Variants in ATOH8 observed in about 807,000 individuals in gnomAD.
ATOH8 encodes transcription factor ATOH8.
In ATOH8, 9 loss-of-function variants were observed where a neutral mutation model predicts 21.2. That is an observed-to-expected ratio of 0.42 (90% CI 0.26 to 0.74). The LOEUF (loss-of-function observed/expected upper bound fraction) is 0.74, where lower values mean the gene tolerates loss of function less well. Among genes scored for constraint, ATOH8 ranks in the 30% least tolerant of loss-of-function variants. The pLI, the probability that ATOH8 is intolerant of heterozygous loss-of-function variation, is 0.24. For synonymous variants in ATOH8, 253 were observed against 224.0 expected (o/e 1.13, Z -1.16); for missense variants, 524 against 470.9 (o/e 1.11, Z -1.04).
At chr2:85,774,320 T>C in intron 2 of ATOH8, 1 of 985,542 alleles carries the variant, frequency 1.0e-6, no homozygotes, top group Non-Finnish European at 1.2e-6. Context: ...TGCCCACTGC[T>C]CAGCCTTGAG....
At chr2:85,755,987 C>CCCAGAAATGA (rs1679682227) in intron 1 of ATOH8, among the ~76,000 whole-genome samples, 1 of 139,004 alleles carries the variant, frequency 7.2e-6, no homozygotes, top group Non-Finnish European at 1.6e-5. Flanking sequence ...CTTTATCCAG[C>CCCAGAAATGA]AACAAAACAT....
chr2:85,755,103 G>A, intron 1 of ATOH8, 146 bp downstream of exon 1: 2 of 1,133,892 alleles, frequency 1.8e-6, no homozygotes, highest in Non-Finnish European at 2.4e-6. Flanking sequence ...GGTGTGGGCA[G>A]TCCTAGGGTA....
At chr2:85,755,761 G>T (rs1200872382) in intron 1 of ATOH8, among the ~76,000 whole-genome samples, 1 of 152,164 alleles carries the variant, frequency 6.6e-6, no homozygotes, top group South Asian at 2.1e-4. Flanking sequence ...CCGTGGTGGG[G>T]CGGGACAATC....
At chr2:85,756,926 T>G (rs991248093) in intron 1 of ATOH8, among the ~76,000 whole-genome samples, 1 of 152,198 alleles carries the variant, frequency 6.6e-6, no homozygotes, top group Non-Finnish European at 1.5e-5. Context: ...CCTGGTCTCC[T>G]TTTACTTCCC....
In ATOH8 at chr2:85,771,400, C is replaced by T. The variant is rs926175752; in HGVS notation, c.960+7218C>T. ...CCATATGAGAAAGGGCTGGTGTTCC[C>T]GGTGAGTGCCAGAGAGGAAATCTCA... On this transcript the variant is annotated intron_variant, in intron 2 of 2. Transcript: ENST00000306279. Among the ~76,000 whole-genome samples, 5 of 152,226 alleles carry T rather than the reference C, an allele frequency of 3.3e-5. No individual in the cohort carries two copies. In the South Asian group the frequency reaches 6.2e-4, roughly 19 times the overall value.
rs1232543987 is a variant in ATOH8, at chr2:85,766,397, C to A, written c.960+2215C>A. On this transcript the variant is annotated intron_variant, in intron 2 of 2. Coordinates refer to ENST00000306279, the MANE Select transcript of ATOH8 (RefSeq NM_032827.7). The surrounding 1 kb of genome is among the most constrained non-coding windows in gnomAD (Gnocchi z 4.0). Reference sequence around the variant, plus strand: ...GCCTCCTGCCCTCAGTCTTTCCCAGCTGGGTGAGGAGGTCACCCAGCTGGG... The same window carrying A: ...GCCTCCTGCCCTCAGTCTTTCCCAGATGGGTGAGGAGGTCACCCAGCTGGG... 3.9e-5 allele frequency among the ~76,000 whole-genome samples: 6 copies of A among 152,034 alleles called. No homozygotes were observed. Among genetic ancestry groups the A allele is most frequent in the Non-Finnish European group, 5.9e-5 (4 of 67,996 alleles).
Position 85,787,189 on chromosome 2 carries a change from A to G in ATOH8, c.*299A>G. 2.4e-6 allele frequency: 1 copy of G among 422,738 alleles called. No homozygotes were observed. 26.2% of individuals were successfully genotyped at this position (422,738 alleles called of 1,614,324 possible). ...TCCAGCTGCAGAAATTCGTTGCCAAAGATTGGACAGAGACACCGAAGGAAA... is the reference window on the plus strand; with the variant it reads ...TCCAGCTGCAGAAATTCGTTGCCAAGGATTGGACAGAGACACCGAAGGAAA... On this transcript the variant is annotated 3_prime_UTR_variant, in exon 3 of 3. Transcript: ENST00000306279.
intron 2 of ATOH8, chr2:85,783,707 G>A (rs1294090610): frequency 1.3e-5 from 2 of 152,220 alleles, no homozygotes; most frequent in African/African-American, 2.4e-5. Flanking sequence ...CAGTGCTGCG[G>A]GGAATGTAAG....
chr2:85,755,065 C>T (rs904009366), intron 1 of ATOH8, 108 bp downstream of exon 1: 29 of 1,396,024 alleles, frequency 2.1e-5, no homozygotes, highest in Non-Finnish European at 2.7e-5. Flanking sequence ...CAAGCTGCCC[C>T]GCCCGGTCCG....
Position 85,787,066 on chromosome 2 carries a change from C to T in ATOH8, c.*176C>T. On this transcript the variant is annotated 3_prime_UTR_variant, in exon 3 of 3. Transcript: ENST00000306279. Reference sequence around the variant, plus strand: ...CGCCTGCCTCCCTCTCCCCTCCGCCCTCACCCAGCCAATCCGAGGCTGCTT... The same window carrying T: ...CGCCTGCCTCCCTCTCCCCTCCGCCTTCACCCAGCCAATCCGAGGCTGCTT... The T allele has an allele frequency of 1.3e-6, 1 of 746,196 alleles. No homozygotes were observed. Among genetic ancestry groups the T allele is most frequent in the South Asian group, 1.9e-5 (1 of 53,416 alleles). The allele number at this position is 746,196 out of a possible 1,614,324, so 46.2% of individuals were successfully genotyped here. A position where few individuals can be genotyped will look rare whatever the true frequency, so the allele number is the denominator to read the frequency against.
At position 85,754,758 on chromosome 2, in the gene ATOH8, G is replaced by A. The variant is rs1396341549; in HGVS notation, c.569G>A (p.Ser190Asn). ...GCGCCCCCGACGCGCCCCGGGGAAA[G>A]TTCCTACTCGTCAATTTCACACGTA... ...RPAPPTRPGE[S>N]SYSSISHVIY... Residue 190 changes from serine to asparagine, a missense_variant, in exon 1 of 3, where the codon AGT becomes AAT. By Grantham distance (46) the Ser-to-Asn change is conservative (BLOSUM62 1). Transcript: ENST00000306279. 1 of 1,612,908 alleles carries A rather than the reference G, an allele frequency of 6.2e-7. No individual in the cohort carries two copies.
intron 1 of ATOH8, among the ~76,000 whole-genome samples, chr2:85,755,684 TG>T (rs1679668133): frequency 6.6e-6 from 1 of 152,046 alleles, no homozygotes; most frequent in African/African-American, 2.4e-5. Flanking sequence ...TTGGGGCTGG[TG>T]CGGGCTGCCC....
chr2:85,786,980 G>A lies in ATOH8; in HGVS notation c.*90G>A. Reference sequence around the variant, plus strand: ...GTGAGCTCGCTGAGTCCAGCCTCGTGGTCTTCTCCAAGATGCCGCCAGATG... The same window carrying A: ...GTGAGCTCGCTGAGTCCAGCCTCGTAGTCTTCTCCAAGATGCCGCCAGATG... On this transcript the variant is annotated 3_prime_UTR_variant, in exon 3 of 3. Coordinates refer to ENST00000306279, the MANE Select transcript of ATOH8 (RefSeq NM_032827.7). The A allele has an allele frequency of 1.3e-6, 2 of 1,575,200 alleles. No individual in the cohort carries two copies. Among genetic ancestry groups the A allele is most frequent in the Admixed American group, 3.4e-5 (2 of 58,644 alleles).
chr2:85,775,275 A>G, intron 2 of ATOH8: 1 of 985,238 alleles, frequency 1.0e-6, no homozygotes, highest in Non-Finnish European at 1.2e-6. Context: ...CCAAATAATG[A>G]CACACCATTC....
chr2:85,754,652 T>A lies in ATOH8; in HGVS notation c.463T>A (p.Leu155Met). The change falls in exon 1 of 3, where the codon TTG becomes ATG. Residue 155 changes from leucine to methionine, a missense_variant. Coordinates refer to ENST00000306279, the MANE Select transcript of ATOH8 (RefSeq NM_032827.7). ...GGAGCCGGGTCTGCGTCCTCGCATC[T>A]TGCTGTGCGCACCGCCCGCGCGCCC... ...FREPGLRPRILLCAPPARPAP... is the reference protein window; with the variant it reads ...FREPGLRPRIMLCAPPARPAP... The A allele has an allele frequency of 6.5e-7, 1 of 1,530,170 alleles. No individual in the cohort carries two copies. The highest frequency in any genetic ancestry group is 8.8e-7 in the Non-Finnish European group (1 of 1,140,730). The allele number at this position is 1,530,170 out of a possible 1,614,324, so 94.8% of individuals were successfully genotyped here. A position where few individuals can be genotyped will look rare whatever the true frequency, so the allele number is the denominator to read the frequency against.
At position 85,779,628 on chromosome 2, in the gene ATOH8, C is replaced by G. The variant is rs142357651; in HGVS notation, c.961-7257C>G. ...CTGGCTGGATGGCTTGGGGACCTGCCGTTCCTGTTTGCCAGTGAGGAAACT... is the reference window on the plus strand; with the variant it reads ...CTGGCTGGATGGCTTGGGGACCTGCGGTTCCTGTTTGCCAGTGAGGAAACT... On this transcript the variant is annotated intron_variant, in intron 2 of 2. Transcript: ENST00000306279. Among the ~76,000 whole-genome samples, 840 of 152,290 alleles carry G rather than the reference C, an allele frequency of 5.5e-3. 8 individuals carry two copies. Among genetic ancestry groups the G allele is most frequent in the African/African-American group, 0.019 (789 of 41,558 alleles).
rs1195392508 is a variant in ATOH8, at chr2:85,789,479, G to GA, written c.*2592dup. ...GAGGTTCTCAGGAAGGATTTCCCTG[G>GA]AAAGTAGCCATGGGACTTGCGTCTT... On this transcript the variant is annotated 3_prime_UTR_variant, in exon 3 of 3. Coordinates refer to ENST00000306279, the MANE Select transcript of ATOH8 (RefSeq NM_032827.7). 1.3e-5 allele frequency among the ~76,000 whole-genome samples: 2 copies of GA among 152,224 alleles called. No individual in the cohort carries two copies. The highest frequency in any genetic ancestry group is 2.4e-5 in the African/African-American group (1 of 41,458).
chr2:85,773,183 T>C (rs1680236234), intron 2 of ATOH8: 4 of 253,512 alleles, frequency 1.6e-5, no homozygotes, highest in Admixed American at 5.3e-5. Flanking sequence ...CATCAGCTCA[T>C]CAGAGAGCTT....
chr2:85,763,617 T>C lies in ATOH8; in HGVS notation c.769-374T>C, dbSNP rs1679925360. On this transcript the variant is annotated intron_variant, in intron 1 of 2. Transcript: ENST00000306279. The stretch of plus-strand genomic sequence containing the variant: ...AAACAAGTGTTGCTGAATGAATGAA[T>C]GGAACATCAGAGCTGAAAAAACAAA... 2.6e-5 allele frequency among the ~76,000 whole-genome samples: 4 copies of C among 152,122 alleles called. No individual in the cohort carries two copies. The South Asian group carries it at 8.3e-4, about 32-fold the overall frequency.
Sources: allele counts gnomAD v4.1 joint callset (sites outside exome capture counted in the v4.1 genomes callset), GRCh38; gene constraint gnomAD v4.1.1; non-coding constraint Gnocchi (gnomAD v3.1); transcripts MANE v1.5; gene names NCBI Gene and HGNC (gene_info 2026-07-23, HGNC 2026-07-21).